DYRK1A: variants seen among roughly 807,000 people sequenced by gnomAD.
DYRK1A encodes dual specificity tyrosine phosphorylation regulated kinase 1A, also known as dual specificity tyrosine-phosphorylation-regulated kinase 1A.
DYRK1A carries 9 observed loss-of-function variants against 79.7 expected under a neutral mutation model. The observed-to-expected ratio is 0.11, with a 90% CI of 0.07 to 0.20. The LOEUF (loss-of-function observed/expected upper bound fraction) is 0.20, where lower values mean the gene tolerates loss of function less well. DYRK1A is among the 10% of genes least tolerant of loss of function. The pLI, the probability that DYRK1A is intolerant of heterozygous loss-of-function variation, is 1.00. For missense variants in DYRK1A, 622 were observed against 956.0 expected (o/e 0.65, Z 4.61); for synonymous variants, 349 against 329.7 (o/e 1.06, Z -0.63).
intron 1 of DYRK1A, among the ~76,000 whole-genome samples, chr21:37,374,556 G>C (rs71332575): frequency 0.042 from 6,352 of 151,362 alleles, 182 homozygotes; most frequent in Middle Eastern, 0.092. Context: ...TCTGGAATCT[G>C]CTTTCTTTTT....
chr21:37,474,650 C>T (rs2052337478), intron 3 of DYRK1A, among the ~76,000 whole-genome samples: 1 of 152,206 alleles, frequency 6.6e-6, no homozygotes, highest in Non-Finnish European at 1.5e-5. Context: ...GCACCTCCGA[C>T]TAGAACCCCC....
chr21:37,369,510 A>T (rs2049387405), intron 1 of DYRK1A, among the ~76,000 whole-genome samples: 1 of 152,256 alleles, frequency 6.6e-6, no homozygotes, highest in Admixed American at 6.5e-5. Context: ...AAATTTATTT[A>T]TACTTCAAAC....
chr21:37,384,160 G>C (rs1382268208), intron 1 of DYRK1A, among the ~76,000 whole-genome samples: 4 of 152,130 alleles, frequency 2.6e-5, no homozygotes, highest in Non-Finnish European at 4.4e-5. Flanking sequence ...AGAAAACAAA[G>C]ATTGGAGTTA....
intron 3 of DYRK1A, among the ~76,000 whole-genome samples, chr21:37,475,293 G>C (rs1023358635): frequency 1.3e-5 from 2 of 152,176 alleles, no homozygotes; most frequent in African/African-American, 4.8e-5. Flanking sequence ...TGGGTCCTCT[G>C]AACACCATGG....
At chr21:37,446,014 G>A (rs993239075) in intron 2 of DYRK1A, among the ~76,000 whole-genome samples, 5 of 152,216 alleles carry the variant, frequency 3.3e-5, no homozygotes, top group African/African-American at 4.8e-5. Flanking sequence ...TGTAATTGAT[G>A]TGGGAGGAAG....
At chr21:37,447,673 A>G (rs945746858) in intron 2 of DYRK1A, among the ~76,000 whole-genome samples, 43 of 152,208 alleles carry the variant, frequency 2.8e-4, no homozygotes, top group African/African-American at 1.0e-3. Flanking sequence ...TCACGGCATT[A>G]TACTCACGGC....
rs2053835070 is a variant in DYRK1A at position 37,514,075 on chromosome 21, G to A, written c.*1544G>A. On this transcript the variant is annotated 3_prime_UTR_variant, in exon 12 of 12. Coordinates refer to ENST00000647188, the MANE Select transcript of DYRK1A (RefSeq NM_001347721.2). ...ACATTCTAAGTGTGTTCAGGCTTCT[G>A]AAGGTAAAGGGACACTGGATCCAGA... is the stretch of plus-strand genomic sequence containing the variant. 1 of 152,676 alleles carries A rather than the reference G, an allele frequency of 6.5e-6. No homozygotes were observed. Among genetic ancestry groups the A allele is most frequent in the South Asian group, 2.1e-4 (1 of 4,834 alleles). 9.5% of individuals were successfully genotyped at this position (152,676 alleles called of 1,614,324 possible). A position where few individuals can be genotyped will look rare whatever the true frequency, so the allele number is the denominator to read the frequency against.
intron 2 of DYRK1A, chr21:37,456,389 C>T (rs1050414796): frequency 3.3e-5 from 5 of 152,112 alleles, no homozygotes; most frequent in East Asian, 1.9e-4. Flanking sequence ...TCATGGCTAC[C>T]GTGCTCTAAA....
At chr21:37,388,863 C>T (rs956297555) in intron 1 of DYRK1A, among the ~76,000 whole-genome samples, 46 of 151,788 alleles carry the variant, frequency 3.0e-4, no homozygotes, top group Admixed American at 2.8e-3. Context: ...CCAGGTTGGT[C>T]TCCATCTCCT....
intron 1 of DYRK1A, chr21:37,419,590 ACT>A (rs1236810711): frequency 6.6e-6 from 1 of 151,962 alleles, no homozygotes; most frequent in South Asian, 2.1e-4. Flanking sequence ...TTTTCACTCA[ACT>A]CCTTTAGAAG....
At chr21:37,370,120 T>C (rs79619562) in intron 1 of DYRK1A, among the ~76,000 whole-genome samples, 7,795 of 152,216 alleles carry the variant, frequency 0.051, 290 homozygotes, top group Middle Eastern at 0.099. Flanking sequence ...ACTGCAACAA[T>C]GTATTTAGGT....
rs1387383055 is a variant in DYRK1A, at chr21:37,521,636, GT to G, written c.*9106del. 4.6e-5 allele frequency: 7 copies of G among 152,262 alleles called. No homozygotes were observed. The highest frequency in any genetic ancestry group is 8.8e-5 in the Non-Finnish European group (6 of 68,070). 9.4% of individuals were successfully genotyped at this position (152,262 alleles called of 1,614,324 possible). ...TAATCCAGAGAGGCTGTGAAGTGCT[GT>G]ATTCCCAAGGAACTGAAGTTCTAGC... On this transcript the variant is annotated 3_prime_UTR_variant, in exon 12 of 12. Coordinates refer to ENST00000647188, the MANE Select transcript of DYRK1A (RefSeq NM_001347721.2).
At chr21:37,478,500 G>A (rs998144447) in intron 4 of DYRK1A, among the ~76,000 whole-genome samples, 200 bp downstream of exon 4, 16 of 151,948 alleles carry the variant, frequency 1.1e-4, no homozygotes, top group African/African-American at 3.6e-4. Context: ...AAAGATAATT[G>A]TGGATAACTT....
In DYRK1A at chr21:37,521,440, A is replaced by G. The variant is rs1020460367; in HGVS notation, c.*8909A>G. The G allele has an allele frequency of 9.9e-5, 15 of 152,264 alleles. No homozygotes were observed. The highest frequency in any genetic ancestry group is 3.1e-4 in the African/African-American group (13 of 41,474). 9.4% of individuals were successfully genotyped at this position (152,264 alleles called of 1,614,324 possible). ...TTGGGACAGCTGGTGTGAGAACTAT[A>G]TAAGAGAAATCAACAAATATTAATT... is the stretch of plus-strand genomic sequence containing the variant. On this transcript the variant is annotated 3_prime_UTR_variant, in exon 12 of 12. Coordinates refer to ENST00000647188, the MANE Select transcript of DYRK1A (RefSeq NM_001347721.2).
chr21:37,374,654 G>A (rs369520972), intron 1 of DYRK1A, among the ~76,000 whole-genome samples: 7 of 151,994 alleles, frequency 4.6e-5, no homozygotes, highest in Admixed American at 6.6e-5. Context: ...CTGGGTTCAC[G>A]CCATTCTTGT....
At chr21:37,502,685 G>T (rs1249912571) in intron 9 of DYRK1A, 1 of 152,078 alleles carries the variant, frequency 6.6e-6, no homozygotes, top group Non-Finnish European at 1.5e-5. Context: ...CCTTATATTT[G>T]CTCTTTTCTG....
At chr21:37,479,457 G>A (rs1469231733) in intron 4 of DYRK1A, among the ~76,000 whole-genome samples, 5 of 150,938 alleles carry the variant, frequency 3.3e-5, no homozygotes, top group Admixed American at 1.3e-4. Context: ...ACGTTATAAA[G>A]TAGACTTTTT....
intron 2 of DYRK1A, among the ~76,000 whole-genome samples, chr21:37,454,635 T>C (rs1021947510): frequency 7.2e-5 from 11 of 152,192 alleles, no homozygotes; most frequent in African/African-American, 1.9e-4. Flanking sequence ...AATGTACCTA[T>C]TGGGTTAATG....
rs1049767 is a variant in DYRK1A, at chr21:37,478,267, T to G, written c.267T>G (p.Val89=). The change falls in exon 4 of 12, where the codon GTT becomes GTG. Residue 89 remains valine (V), a synonymous_variant. Coordinates refer to ENST00000647188, the MANE Select transcript of DYRK1A (RefSeq NM_001347721.2). ...CTGCTCCCCTGAGAAAACTTTCTGT[T>G]GACTTGATCAAAACATACAAGCATA... is the stretch of plus-strand genomic sequence containing the variant. ...PATAPLRKLS[V]DLIKTYKHIN... 3.1e-6 allele frequency: 5 copies of G among 1,613,984 alleles called. No homozygotes were observed. The highest frequency in any genetic ancestry group is 3.4e-6 in the Non-Finnish European group (4 of 1,179,942).
Sources: allele counts gnomAD v4.1 joint callset (sites outside exome capture counted in the v4.1 genomes callset), GRCh38; gene constraint gnomAD v4.1.1; transcripts MANE v1.5; gene names NCBI Gene and HGNC (gene_info 2026-07-23, HGNC 2026-07-21).